GFM1: variants seen among roughly 807,000 people sequenced by gnomAD.
GFM1 encodes G elongation factor mitochondrial 1.
In GFM1, 62 loss-of-function variants were observed where a neutral mutation model predicts 96.2. That is an observed-to-expected ratio of 0.64 (90% CI 0.53 to 0.80). The LOEUF (loss-of-function observed/expected upper bound fraction) is 0.80, where lower values mean the gene tolerates loss of function less well. Ranked by LOEUF, GFM1 falls within the 30% of genes least tolerant of loss-of-function variation. GFM1 has a pLI of 0.00. For missense variants in GFM1, 852 were observed against 916.6 expected, an observed-to-expected ratio of 0.93 and a Z score of 0.91; for synonymous variants, 282 against 312.9, an observed-to-expected ratio of 0.90 and a Z score of 1.04.
At chr3:158,650,336 A>C (rs1487503593) in intron 5 of GFM1, 3 of 381,588 alleles carry the variant, frequency 7.9e-6, no homozygotes, top group African/African-American at 6.0e-5. Flanking sequence ...ACTGCCTAGT[A>C]CATAATAGGG....
chr3:158,675,285 C>CAAAAAAA (rs1172885215), intron 13 of GFM1, among the ~76,000 whole-genome samples: 4 of 52,664 alleles, frequency 7.6e-5, no homozygotes, highest in African/African-American at 1.3e-4. Flanking sequence ...GACTCCATCT[C>CAAAAAAA]AAAAAAAAAA....
intron 15 of GFM1, among the ~76,000 whole-genome samples, chr3:158,689,435 A>G (rs1359751843): frequency 6.6e-6 from 1 of 152,172 alleles, no homozygotes; most frequent in Non-Finnish European, 1.5e-5. Context: ...AAAAGGAAAG[A>G]CAGATCGTAG....
At chr3:158,672,576 G>C in intron 13 of GFM1, 1 of 1,503,128 alleles carries the variant, frequency 6.7e-7, no homozygotes, top group Non-Finnish European at 9.1e-7. Flanking sequence ...TCCGGTTGCC[G>C]AGGCGGAAAA....
chr3:158,672,208 C>T lies in GFM1; in HGVS notation c.1601+5822C>T, dbSNP rs895251745. 45 of 1,021,810 alleles carry T rather than the reference C, an allele frequency of 4.4e-5. No individual in the cohort carries two copies. In the Admixed American group the frequency reaches 7.4e-4, roughly 17 times the overall value. 63.3% of individuals were successfully genotyped at this position (1,021,810 alleles called of 1,614,324 possible). A position where few individuals can be genotyped will look rare whatever the true frequency, so the allele number is the denominator to read the frequency against. ...CCCCAGAAACCTTAATATCTCAAGA[C>T]CAGATACCAGCAGTGTGTCCTAAAA... On this transcript the variant is annotated intron_variant, in intron 13 of 17. Transcript: ENST00000486715.
At chr3:158,677,563 C>G (rs1016411352) in intron 13 of GFM1, among the ~76,000 whole-genome samples, 11 of 152,088 alleles carry the variant, frequency 7.2e-5, no homozygotes, top group African/African-American at 2.7e-4. Context: ...TGCAGTGGCA[C>G]GATCTCGGCT....
chr3:158,679,900 C>T (rs957745504), intron 13 of GFM1, among the ~76,000 whole-genome samples: 2 of 152,164 alleles, frequency 1.3e-5, no homozygotes, highest in Admixed American at 1.3e-4. Flanking sequence ...TGAATGCAGT[C>T]ACCATCTCTG....
chr3:158,688,833 G>A (rs1289618061), intron 15 of GFM1, among the ~76,000 whole-genome samples: 1 of 152,138 alleles, frequency 6.6e-6, no homozygotes, highest in African/African-American at 2.4e-5. Context: ...AGGAGGGTAG[G>A]TGTGAGCTAG....
In GFM1 at chr3:158,692,576, C is replaced by A. The variant is rs1046875925; in HGVS notation, c.*1109C>A. On this transcript the variant is annotated 3_prime_UTR_variant, in exon 18 of 18. Coordinates refer to ENST00000486715, the MANE Select transcript of GFM1 (RefSeq NM_024996.7). ...AAATAAAATAATTGATTTTAAATTC[C>A]TTTGCTTTTCTTGACTTATAGACGT... 6.6e-6 allele frequency: 1 copy of A among 152,054 alleles called. No individual in the cohort carries two copies. The highest frequency in any genetic ancestry group is 6.5e-5 in the Admixed American group (1 of 15,274). The allele number at this position is 152,054 out of a possible 1,614,324, so 9.4% of individuals were successfully genotyped here.
chr3:158,690,070 G>T, intron 15 of GFM1, 93 bp from the exon 16 acceptor site: 2 of 1,121,076 alleles, frequency 1.8e-6, no homozygotes, highest in Non-Finnish European at 2.7e-6. Context: ...TTGTACCTTT[G>T]GGAAAGCATC....
intron 6 of GFM1, among the ~76,000 whole-genome samples, chr3:158,652,719 GT>G (rs1722397321): frequency 6.6e-6 from 1 of 152,190 alleles, no homozygotes; most frequent in Non-Finnish European, 1.5e-5. Flanking sequence ...GATTTGTACT[GT>G]TTGGCTTCCT....
At chr3:158,648,256 A>T (rs982822951) in intron 4 of GFM1, among the ~76,000 whole-genome samples, 2 of 152,060 alleles carry the variant, frequency 1.3e-5, no homozygotes, top group African/African-American at 4.8e-5. Flanking sequence ...GTTTCCTTCA[A>T]ATATTTGGTG....
Position 158,682,711 on chromosome 3 carries a change from G to A in GFM1, c.1764+554G>A, listed in dbSNP as rs1725507966. On this transcript the variant is annotated intron_variant, in intron 14 of 17. Transcript: ENST00000486715. ...CATATGAGGGGTTAGTGTTTTGTTT[G>A]CTTTCCAGTCATTTGCTTTATGACT... 2.0e-5 allele frequency among the ~76,000 whole-genome samples: 3 copies of A among 152,114 alleles called. No individual in the cohort carries two copies. The South Asian group carries it at 6.2e-4, about 32-fold the overall frequency.
intron 16 of GFM1, 121 bp from the exon 17 acceptor site, chr3:158,691,018 A>C: frequency 1.4e-6 from 1 of 716,134 alleles, no homozygotes; most frequent in Non-Finnish European, 2.5e-6. Flanking sequence ...TAATTATTTT[A>C]AACTAAGAGT....
chr3:158,666,395 G>C lies in GFM1; in HGVS notation c.1601+9G>C, dbSNP rs77186707. ...ATTACTGCCCCTGTCCCGTAAGTAT[G>C]CAACGTAATTAAACATTATGAGGCT... On this transcript the variant is annotated intron_variant, in intron 13 of 17. Coordinates refer to ENST00000486715, the MANE Select transcript of GFM1 (RefSeq NM_024996.7). 2.2e-3 allele frequency: 3,513 copies of C among 1,608,566 alleles called. 79 individuals carry two copies. In the African/African-American group the frequency reaches 0.04, roughly 18 times the overall value.
chr3:158,660,545 G>A (rs899742192), intron 9 of GFM1: 2 of 311,060 alleles, frequency 6.4e-6, no homozygotes, highest in Non-Finnish European at 6.2e-6. Flanking sequence ...ACCATGCCCC[G>A]CCAGTACATG....
Position 158,684,598 on chromosome 3 carries a change from TG to T in GFM1, c.1841del (p.Gly614GlufsTer42). 1 of 1,614,138 alleles carries T rather than the reference TG, an allele frequency of 6.2e-7. No homozygotes were observed. Among genetic ancestry groups the T allele is most frequent in the Non-Finnish European group, 8.5e-7 (1 of 1,179,994 alleles). On this transcript the variant is annotated frameshift_variant, in exon 15 of 18. Coordinates refer to ENST00000486715, the MANE Select transcript of GFM1 (RefSeq NM_024996.7). LOFTEE classifies it high-confidence loss of function. ...CTGGGCTCCGGTTTGTCCTGCAAGA[TG>T]GAGCACACCACATGGTTGATTCTAA... ...LSGLRFVLQD[G>X]AHHMVDSNEI...
rs755149040 is a variant in GFM1 at position 158,694,075 on chromosome 3, A to G, written c.*2608A>G. 3.3e-5 allele frequency among the ~76,000 whole-genome samples: 5 copies of G among 152,036 alleles called. No individual in the cohort carries two copies. On this transcript the variant is annotated 3_prime_UTR_variant, in exon 18 of 18. Transcript: ENST00000486715. ...AAAAACCATCTGACTCAGCAATACC[A>G]TTACTATATACCCAAAGGAACGTAA... is the stretch of plus-strand genomic sequence containing the variant.
intron 13 of GFM1, chr3:158,666,961 AG>A: frequency 6.4e-7 from 1 of 1,566,006 alleles, no homozygotes; most frequent in South Asian, 1.2e-5. Flanking sequence ...TGGCTATACA[AG>A]GAGTCTCAGT....
intron 5 of GFM1, chr3:158,649,559 T>C (rs1219608637): frequency 5.1e-6 from 1 of 194,564 alleles, no homozygotes; most frequent in Non-Finnish European, 1.1e-5. Flanking sequence ...AAAATAGAGA[T>C]CATAAATATT....
Sources: allele counts gnomAD v4.1 joint callset (sites outside exome capture counted in the v4.1 genomes callset), GRCh38; gene constraint gnomAD v4.1.1; transcripts MANE v1.5; gene names NCBI Gene and HGNC (gene_info 2026-07-23, HGNC 2026-07-21).